TMEM117: variants seen among roughly 807,000 people sequenced by gnomAD.
TMEM117 encodes the protein transmembrane protein 117.
A neutral mutation model predicts 52.4 loss-of-function variants in TMEM117; 27 were observed. That is an observed-to-expected ratio of 0.51 (90% CI 0.38 to 0.71). TMEM117 has a LOEUF of 0.71. Ranked by LOEUF, TMEM117 falls within the 30% of genes least tolerant of loss-of-function variation. The pLI, the probability that TMEM117 is intolerant of heterozygous loss-of-function variation, is 0.00. For missense variants in TMEM117, 556 were observed against 630.5 expected (o/e 0.88, Z 1.26); for synonymous variants, 215 against 206.3 (o/e 1.04, Z -0.36).
chr12:44,322,079 T>C (rs1381911869), intron 6 of TMEM117, among the ~76,000 whole-genome samples: 1 of 152,072 alleles, frequency 6.6e-6, no homozygotes, highest in Non-Finnish European at 1.5e-5. Flanking sequence ...GAGAATGAAG[T>C]GTAACAAGGG....
chr12:43,901,447 A>C (rs569929327), intron 2 of TMEM117, among the ~76,000 whole-genome samples: 5 of 152,164 alleles, frequency 3.3e-5, no homozygotes, highest in African/African-American at 1.2e-4. Context: ...AGTAGCTGGG[A>C]TTATAGGCAT....
intron 6 of TMEM117, among the ~76,000 whole-genome samples, chr12:44,322,028 A>G (rs1239786030): frequency 6.6e-6 from 1 of 152,214 alleles, no homozygotes; most frequent in Non-Finnish European, 1.5e-5. Context: ...CTAAACTGGA[A>G]AATTCTCTAG....
intron 4 of TMEM117, among the ~76,000 whole-genome samples, chr12:44,175,858 G>A (rs865813285): frequency 6.6e-6 from 1 of 152,148 alleles, no homozygotes; most frequent in African/African-American, 2.4e-5. Flanking sequence ...CTGGACAGAT[G>A]TTTATTGGTT....
At position 43,844,715 on chromosome 12, in the gene TMEM117, G is replaced by A. The variant is rs947402371; in HGVS notation, c.64G>A (p.Val22Met). 26 of 1,614,030 alleles carry A rather than the reference G, an allele frequency of 1.6e-5. No homozygotes were observed. The Admixed American group carries it at 3.3e-4, about 21-fold the overall frequency. Residue 22 changes from valine (V) to methionine (M), a missense_variant, in exon 2 of 8, where the codon GTG becomes ATG. By Grantham distance (21) the Val-to-Met change is conservative. Transcript: ENST00000266534. Reference sequence around the variant, plus strand: ...GTCTCGCATGATTGTGGCTTACTTGGTGATCTTCTTTAACTTCTTAATATT... The same window carrying A: ...GTCTCGCATGATTGTGGCTTACTTGATGATCTTCTTTAACTTCTTAATATT... The part of the protein sequence containing the change: ...PWSRMIVAYL[V>M]IFFNFLIFAE...
chr12:43,800,206 G>A, the TMEM117 span, among the ~76,000 whole-genome samples: 7 of 152,070 alleles, frequency 4.6e-5, no homozygotes, highest in African/African-American at 1.4e-4. Context: ...TACTTTAGAA[G>A]AATCAGTATG....
chr12:43,977,691 C>T (rs917978322), intron 3 of TMEM117, among the ~76,000 whole-genome samples: 2 of 152,088 alleles, frequency 1.3e-5, no homozygotes, highest in Admixed American at 6.6e-5. Flanking sequence ...TGGACACATT[C>T]TACTGTGGCC....
intron 3 of TMEM117, among the ~76,000 whole-genome samples, chr12:43,969,356 T>TTAAAAAAAAAAAAAAAAAAAA (rs1555189078): frequency 1.3e-5 from 1 of 79,558 alleles, no homozygotes; most frequent in Admixed American, 1.4e-4. Flanking sequence ...CCGTCTCTAC[T>TTAAAAAAAAAAAAAAAAAAAA]AAAAAAAAAA....
intron 3 of TMEM117, among the ~76,000 whole-genome samples, chr12:44,018,067 T>C (rs2087044954): frequency 1.3e-5 from 2 of 152,214 alleles, no homozygotes; most frequent in East Asian, 1.9e-4. Flanking sequence ...CTGGCTGCTC[T>C]TGGTGACTAG....
chr12:43,849,805 G>T (rs879727056), intron 2 of TMEM117, among the ~76,000 whole-genome samples: 1 of 152,028 alleles, frequency 6.6e-6, no homozygotes, highest in African/African-American at 2.4e-5. Flanking sequence ...ATTTCCTGAT[G>T]AACTCCGAAC....
chr12:44,234,188 GA>G (rs1444243565), intron 5 of TMEM117, among the ~76,000 whole-genome samples: 2 of 151,300 alleles, frequency 1.3e-5, no homozygotes, highest in African/African-American at 4.8e-5. Context: ...TTGATTTCTT[GA>G]ATATTTGGTA....
At chr12:44,194,747 C>G (rs1193022141) in intron 4 of TMEM117, among the ~76,000 whole-genome samples, 1 of 152,142 alleles carries the variant, frequency 6.6e-6, no homozygotes, top group Non-Finnish European at 1.5e-5. Context: ...AGGAGGGTCA[C>G]TTGAGCCCAG....
At chr12:44,385,739 G>A (rs1353148) in intron 7 of TMEM117, among the ~76,000 whole-genome samples, 5,090 of 152,236 alleles carry the variant, frequency 0.033, 101 homozygotes, top group Middle Eastern at 0.13. Context: ...CAACAGAGGA[G>A]AACCCAAAGC....
At chr12:44,050,240 A>C (rs1946948593) in intron 3 of TMEM117, among the ~76,000 whole-genome samples, 1 of 152,168 alleles carries the variant, frequency 6.6e-6, no homozygotes, top group South Asian at 2.1e-4. Context: ...GCAGTGGCAC[A>C]ATCTTGGCTC....
intron 6 of TMEM117, among the ~76,000 whole-genome samples, chr12:44,353,622 T>C (rs1459178090): frequency 2.0e-5 from 3 of 151,830 alleles, no homozygotes; most frequent in Non-Finnish European, 4.4e-5. Flanking sequence ...TGTGGCATTA[T>C]TTCTGAGGGC....
At chr12:44,074,275 A>G (rs1354530741) in intron 3 of TMEM117, among the ~76,000 whole-genome samples, 1 of 152,292 alleles carries the variant, frequency 6.6e-6, no homozygotes, top group East Asian at 1.9e-4. Flanking sequence ...TTTTATTAAT[A>G]ATTAGACTAA....
At chr12:44,299,783 G>A (rs1208105436) in intron 6 of TMEM117, 44 bp downstream of exon 6, 5 of 1,606,496 alleles carry the variant, frequency 3.1e-6, no homozygotes, top group Non-Finnish European at 4.3e-6. Flanking sequence ...TGCATGCTCT[G>A]TTCCCAGTAT....
chr12:43,797,481 T>C, the TMEM117 span: 1 of 1,515,996 alleles, frequency 6.6e-7, no homozygotes, highest in African/African-American at 1.4e-5. Context: ...ATATGTTCAT[T>C]AAAACCAGAT....
intron 6 of TMEM117, among the ~76,000 whole-genome samples, chr12:44,348,000 A>G (rs1951511090): frequency 6.6e-6 from 1 of 152,050 alleles, no homozygotes; most frequent in Non-Finnish European, 1.5e-5. Context: ...AATCACAAAT[A>G]GTGACCAATG....
the TMEM117 span, among the ~76,000 whole-genome samples, chr12:43,818,988 C>T: frequency 6.6e-6 from 1 of 152,098 alleles, no homozygotes; most frequent in African/African-American, 2.4e-5. Flanking sequence ...GATAGGGTTC[C>T]CATAATTCTC....
Sources: allele counts gnomAD v4.1 joint callset (sites outside exome capture counted in the v4.1 genomes callset), GRCh38; gene constraint gnomAD v4.1.1; transcripts MANE v1.5; gene names NCBI Gene and HGNC (gene_info 2026-07-23, HGNC 2026-07-21).